The following CNTNAP2 variants were observed in gnomAD, a reference collection of about 807,000 sequenced individuals.
CNTNAP2 encodes contactin associated protein 2.
A neutral mutation model predicts 155.2 loss-of-function variants in CNTNAP2; 98 were observed. The ratio of observed to expected loss-of-function variants is 0.63; its 90% CI spans 0.54 to 0.75. CNTNAP2 has a LOEUF of 0.75. CNTNAP2 is among the 30% of genes least tolerant of loss of function. The pLI, the probability that CNTNAP2 is intolerant of heterozygous loss-of-function variation, is 0.00. For synonymous variants in CNTNAP2, 651 were observed against 631.2 expected, an observed-to-expected ratio of 1.03 and a Z score of -0.47; for missense variants, 1,727 against 1,688.1, an observed-to-expected ratio of 1.02 and a Z score of -0.40.
chr7:148,146,391 G>A (rs1170050394), intron 16 of CNTNAP2, among the ~76,000 whole-genome samples: 2 of 152,156 alleles, frequency 1.3e-5, no homozygotes, highest in African/African-American at 4.8e-5. Context: ...CATTTAAAAA[G>A]CTTGTTTATA....
chr7:146,609,908 T>C (rs1432651554), intron 1 of CNTNAP2, among the ~76,000 whole-genome samples: 1 of 152,114 alleles, frequency 6.6e-6, no homozygotes, highest in Non-Finnish European at 1.5e-5. Context: ...AGAAACATCA[T>C]CACCTGAGTA....
At chr7:148,287,912 C>T (rs1056830487) in intron 21 of CNTNAP2, among the ~76,000 whole-genome samples, 3 of 150,670 alleles carry the variant, frequency 2.0e-5, no homozygotes, top group Non-Finnish European at 4.4e-5. Context: ...CTACTTCAGC[C>T]TCCGGAGTAG....
At chr7:146,682,678 A>G (rs1467922449) in intron 1 of CNTNAP2, among the ~76,000 whole-genome samples, 1 of 152,216 alleles carries the variant, frequency 6.6e-6, no homozygotes, top group Non-Finnish European at 1.5e-5. Flanking sequence ...AGAGTTGTAC[A>G]AGTTGTACTA....
At chr7:146,246,373 G>T (rs1240579521) in intron 1 of CNTNAP2, among the ~76,000 whole-genome samples, 1 of 150,904 alleles carries the variant, frequency 6.6e-6, no homozygotes, top group Non-Finnish European at 1.5e-5. Context: ...AGGGAACTGG[G>T]CAGGTGGGGA....
At chr7:147,629,941 T>C (rs1383677018) in intron 12 of CNTNAP2, among the ~76,000 whole-genome samples, 4 of 150,410 alleles carry the variant, frequency 2.7e-5, no homozygotes, top group Non-Finnish European at 5.9e-5. Flanking sequence ...ACAAACAATA[T>C]GCAAACCCAG....
intron 1 of CNTNAP2, among the ~76,000 whole-genome samples, chr7:146,651,952 T>C (rs1799922131): frequency 6.6e-6 from 1 of 152,128 alleles, no homozygotes; most frequent in South Asian, 2.1e-4. Context: ...ATAGGCTGGC[T>C]ATCCTAATAA....
chr7:146,998,221 G>A (rs926157310), intron 3 of CNTNAP2, among the ~76,000 whole-genome samples: 2 of 151,920 alleles, frequency 1.3e-5, no homozygotes, highest in African/African-American at 2.4e-5. Context: ...CGCAGAATAT[G>A]TTGTGTTCCC....
chr7:148,375,372 T>A, intron 21 of CNTNAP2, among the ~76,000 whole-genome samples: 1 of 148,514 alleles, frequency 6.7e-6, no homozygotes, highest in Non-Finnish European at 1.5e-5. Context: ...ATATACAATT[T>A]TTTTTGAGAC....
intron 22 of CNTNAP2, among the ~76,000 whole-genome samples, chr7:148,400,771 G>C (rs567998926): frequency 2.0e-5 from 3 of 152,306 alleles, no homozygotes; most frequent in Non-Finnish European, 4.4e-5. Context: ...CACGAGGTCA[G>C]GAGTTCGAGA....
chr7:147,950,384 A>G, intron 14 of CNTNAP2, among the ~76,000 whole-genome samples: 1 of 151,020 alleles, frequency 6.6e-6, no homozygotes, highest in Non-Finnish European at 1.5e-5. Context: ...AAAAAAAAAA[A>G]AAAAAAAAAG....
At chr7:147,128,882 A>G (rs972031329) in intron 7 of CNTNAP2, 46 bp downstream of exon 7, 6 of 1,612,180 alleles carry the variant, frequency 3.7e-6, no homozygotes, top group Admixed American at 3.3e-5. Flanking sequence ...AATATCAAGT[A>G]ACATTTTTGT....
intron 3 of CNTNAP2, among the ~76,000 whole-genome samples, chr7:146,915,281 C>A (rs565229176): frequency 9.2e-5 from 14 of 152,114 alleles, no homozygotes; most frequent in African/African-American, 3.1e-4. Context: ...CTTAGTCTTG[C>A]TTTGGCTGTG....
chr7:146,194,712 A>C (rs994521352), intron 1 of CNTNAP2, among the ~76,000 whole-genome samples: 2 of 152,232 alleles, frequency 1.3e-5, no homozygotes, highest in Admixed American at 1.3e-4. Flanking sequence ...ATAATAACAA[A>C]GTTATTTTAT....
At chr7:146,799,888 A>T (rs1327588312) in intron 2 of CNTNAP2, among the ~76,000 whole-genome samples, 1 of 152,218 alleles carries the variant, frequency 6.6e-6, no homozygotes, top group Non-Finnish European at 1.5e-5. Context: ...TTAATAGTGT[A>T]TAAAATTTAG....
intron 1 of CNTNAP2, among the ~76,000 whole-genome samples, chr7:146,494,984 A>G (rs1042538824): frequency 1.3e-5 from 2 of 152,234 alleles, no homozygotes; most frequent in African/African-American, 4.8e-5. Flanking sequence ...GTGATTCCCA[A>G]CTACCAGAGG....
At chr7:146,562,156 A>G (rs1798289698) in intron 1 of CNTNAP2, among the ~76,000 whole-genome samples, 1 of 152,108 alleles carries the variant, frequency 6.6e-6, no homozygotes, top group Non-Finnish European at 1.5e-5. Flanking sequence ...GACCACTTAA[A>G]CAGATGACTT....
intron 2 of CNTNAP2, among the ~76,000 whole-genome samples, chr7:146,812,938 T>C (rs1345947380): frequency 6.6e-6 from 1 of 152,076 alleles, no homozygotes; most frequent in Non-Finnish European, 1.5e-5. Context: ...GGCCATAGCT[T>C]CAGACAGTGC....
At chr7:147,179,340 A>G (rs1409704218) in intron 8 of CNTNAP2, among the ~76,000 whole-genome samples, 2 of 152,218 alleles carry the variant, frequency 1.3e-5, no homozygotes, top group Non-Finnish European at 2.9e-5. Flanking sequence ...GAAAGTGGTT[A>G]GGGAAGTCCT....
At chr7:146,981,048 G>A (rs1347784417) in intron 3 of CNTNAP2, among the ~76,000 whole-genome samples, 2 of 152,152 alleles carry the variant, frequency 1.3e-5, no homozygotes, top group Non-Finnish European at 2.9e-5. Context: ...AAAAAATGTA[G>A]TTGGTAGAAG....
Sources: allele counts gnomAD v4.1 joint callset (sites outside exome capture counted in the v4.1 genomes callset), GRCh38; gene constraint gnomAD v4.1.1; transcripts MANE v1.5; gene names NCBI Gene and HGNC (gene_info 2026-07-23, HGNC 2026-07-21).